Variants in DLGAP1 observed in about 807,000 individuals in gnomAD.
The protein encoded by DLGAP1 is disks large-associated protein 1.
A neutral mutation model predicts 90.8 loss-of-function variants in DLGAP1; 11 were observed. The observed-to-expected ratio is 0.12, with a 90% CI of 0.08 to 0.20. The LOEUF is 0.20. Ranked by LOEUF, DLGAP1 falls within the 10% of genes least tolerant of loss-of-function variation. The probability of loss-of-function intolerance (pLI) is 1.00; values close to 1 mark genes in which losing one functional copy is unlikely to be tolerated. For synonymous variants in DLGAP1, 558 were observed against 540.7 expected (o/e 1.03, Z -0.44); for missense variants, 1,050 against 1,333.8 (o/e 0.79, Z 3.31).
At chr18:4,263,838 T>C (rs1174770546) in intron 1 of DLGAP1, among the ~76,000 whole-genome samples, 2 of 149,290 alleles carry the variant, frequency 1.3e-5, no homozygotes, top group Admixed American at 6.7e-5. Context: ...TTCAGAACAT[T>C]AAACTACATG....
intron 2 of DLGAP1, among the ~76,000 whole-genome samples, chr18:4,047,189 G>T (rs2075067269): frequency 6.6e-6 from 1 of 152,158 alleles, no homozygotes; most frequent in Non-Finnish European, 1.5e-5. Context: ...CACTCCCGGA[G>T]CTTCCTGTCT....
At chr18:4,193,733 G>C (rs1433372295) in intron 1 of DLGAP1, among the ~76,000 whole-genome samples, 1 of 152,090 alleles carries the variant, frequency 6.6e-6, no homozygotes, top group South Asian at 2.1e-4. Flanking sequence ...AACTTGAGAA[G>C]GGAAATCCAG....
intron 1 of DLGAP1, among the ~76,000 whole-genome samples, chr18:4,440,977 C>G (rs2083523366): frequency 6.6e-6 from 1 of 152,208 alleles, no homozygotes; most frequent in African/African-American, 2.4e-5. Context: ...GAAGGTTTTA[C>G]TTTCATCGGC....
chr18:3,787,345 G>A (rs1429068397), intron 5 of DLGAP1, among the ~76,000 whole-genome samples: 3 of 151,954 alleles, frequency 2.0e-5, no homozygotes, highest in Non-Finnish European at 4.4e-5. Flanking sequence ...GCTAGGCGTG[G>A]TGGTGGGCAC....
chr18:4,087,575 G>A (rs1364873527), intron 2 of DLGAP1, among the ~76,000 whole-genome samples: 1 of 152,050 alleles, frequency 6.6e-6, no homozygotes, highest in Non-Finnish European at 1.5e-5. Flanking sequence ...CTCTGTTCAA[G>A]GCTCTCAGCT....
At chr18:3,697,949 A>C (rs61572260) in intron 7 of DLGAP1, among the ~76,000 whole-genome samples, 1 of 151,874 alleles carries the variant, frequency 6.6e-6, no homozygotes, top group Non-Finnish European at 1.5e-5. Flanking sequence ...TGCCCTTCTT[A>C]GTCTTTTTTG....
intron 3 of DLGAP1, among the ~76,000 whole-genome samples, chr18:3,919,218 C>T (rs2072213460): frequency 6.6e-6 from 1 of 152,200 alleles, no homozygotes; most frequent in Non-Finnish European, 1.5e-5. Context: ...AATTCACACA[C>T]TTCGAATCCT....
intron 1 of DLGAP1, among the ~76,000 whole-genome samples, chr18:4,432,165 A>G (rs1359528590): frequency 3.3e-5 from 5 of 152,204 alleles, no homozygotes; most frequent in Non-Finnish European, 5.9e-5. Context: ...ATACTTTATA[A>G]GTGGTGAGGA....
intron 1 of DLGAP1, among the ~76,000 whole-genome samples, chr18:4,188,965 A>C (rs1354160297): frequency 6.6e-6 from 1 of 152,164 alleles, no homozygotes; most frequent in East Asian, 1.9e-4. Context: ...GTTGTCATCA[A>C]TGTTTTATTA....
intron 1 of DLGAP1, among the ~76,000 whole-genome samples, chr18:4,167,466 A>G (rs2144557708): frequency 6.6e-6 from 1 of 152,328 alleles, no homozygotes; most frequent in South Asian, 2.1e-4. Flanking sequence ...CTGAATCTTA[A>G]ATATGTATGT....
At chr18:4,298,663 A>T (rs993621919) in intron 1 of DLGAP1, among the ~76,000 whole-genome samples, 7 of 152,078 alleles carry the variant, frequency 4.6e-5, no homozygotes, top group African/African-American at 9.7e-5. Flanking sequence ...CGGGAGATAT[A>T]CCTAATGCTA....
At chr18:4,202,331 T>C (rs1180709120) in intron 1 of DLGAP1, among the ~76,000 whole-genome samples, 1 of 152,164 alleles carries the variant, frequency 6.6e-6, no homozygotes, top group Non-Finnish European at 1.5e-5. Context: ...CATAGTGGTA[T>C]AATGGACACT....
chr18:3,557,248 G>A (rs1016965061), intron 9 of DLGAP1, among the ~76,000 whole-genome samples: 1 of 152,102 alleles, frequency 6.6e-6, no homozygotes, highest in African/African-American at 2.4e-5. Context: ...TCTGCCGGGT[G>A]CGGTGGCTCA....
intron 1 of DLGAP1, among the ~76,000 whole-genome samples, chr18:4,169,978 G>A (rs1455427935): frequency 1.3e-5 from 2 of 152,132 alleles, no homozygotes; most frequent in African/African-American, 4.8e-5. Context: ...ATTACACTCA[G>A]CTCTGTCAGA....
chr18:3,621,160 T>C lies in DLGAP1; in HGVS notation c.1592-38912A>G, dbSNP rs191204492. On this transcript the variant is annotated intron_variant, in intron 7 of 12. Coordinates refer to ENST00000315677, the MANE Select transcript of DLGAP1 (RefSeq NM_004746.4). ...GCTCACACCTGTAGTCCCAGCACTT[T>C]GGGAGGCTGCTAATAATAGCTATGA... Among the ~76,000 whole-genome samples the C allele has an allele frequency of 2.1e-3, 325 of 152,280 alleles. 3 individuals carry two copies. Among genetic ancestry groups the C allele is most frequent in the Non-Finnish European group, 3.2e-4 (22 of 68,014 alleles).
Position 4,378,366 on chromosome 18 carries a change from T to C in DLGAP1, c.-267+76640A>G, listed in dbSNP as rs1271593193. On this transcript the variant is annotated intron_variant, in intron 1 of 12. Transcript: ENST00000315677. The surrounding 1 kb of genome is among the most constrained non-coding windows in gnomAD (Gnocchi z 4.5). ...TTAGAAGGTATGTTAACAGGACCAA[T>C]GCAATACATTATAACTTTTTAACGA... 6.6e-6 allele frequency among the ~76,000 whole-genome samples: 1 copy of C among 152,118 alleles called. No homozygotes were observed. Among genetic ancestry groups the C allele is most frequent in the Non-Finnish European group, 1.5e-5 (1 of 68,016 alleles).
At chr18:3,837,849 C>CAAA (rs5822770) in intron 4 of DLGAP1, among the ~76,000 whole-genome samples, 275 of 26,826 alleles carry the variant, frequency 0.01, 47 homozygotes, top group African/African-American at 0.03. Context: ...GAGATTCTGT[C>CAAA]AAAAAAAAAA....
chr18:4,374,010 A>C (rs915247282), intron 1 of DLGAP1, among the ~76,000 whole-genome samples: 13 of 152,222 alleles, frequency 8.5e-5, no homozygotes, highest in Middle Eastern at 3.2e-3. Context: ...TATAAAGACA[A>C]TAAAAGTAAT....
At position 3,692,608 on chromosome 18, in the gene DLGAP1, GGGCC is replaced by G. The variant is rs1195665219; in HGVS notation, c.1591+36523_1591+36526del. On this transcript the variant is annotated intron_variant, in intron 7 of 12. Transcript: ENST00000315677. ...AAGTTAACCCTGTTTCTGCAAGCGA[GGGCC>G]AAATGGTCAGGTCTGGTTGAGATCT... is the stretch of plus-strand genomic sequence containing the variant. 2.1e-3 allele frequency among the ~76,000 whole-genome samples: 323 copies of G among 152,286 alleles called. 1 individual carries two copies. The highest frequency in any genetic ancestry group is 3.7e-3 in the Non-Finnish European group (252 of 68,012).
Sources: gnomAD v4.1 joint callset for allele counts (sites outside exome capture counted in the v4.1 genomes callset) on GRCh38, gnomAD v4.1.1 for gene constraint, Gnocchi (gnomAD v3.1) non-coding constraint, MANE v1.5 for transcripts, NCBI Gene and HGNC (gene_info 2026-07-23, HGNC 2026-07-21) for gene names.